KMT2C: variants seen among roughly 807,000 people sequenced by gnomAD.
KMT2C encodes the protein histone-lysine N-methyltransferase 2C.
KMT2C carries 88 observed loss-of-function variants against 507.9 expected under a neutral mutation model. That is an observed-to-expected ratio of 0.17 (90% confidence interval 0.15 to 0.21). KMT2C has a LOEUF of 0.21. Among genes scored for constraint, KMT2C ranks in the 10% least tolerant of loss-of-function variants. KMT2C has a pLI of 1.00. For synonymous variants in KMT2C, 2,049 were observed against 2,080.8 expected (o/e 0.98, Z 0.42); for missense variants, 4,954 against 5,957.8 (o/e 0.83, Z 5.55).
At chr7:152,279,026 G>A (rs1161972692) in intron 6 of KMT2C, among the ~76,000 whole-genome samples, 3 of 151,768 alleles carry the variant, frequency 2.0e-5, no homozygotes, top group Non-Finnish European at 2.9e-5. Context: ...AATATACATA[G>A]AATTTTCAAA....
chr7:152,218,068 A>T (rs949588075), intron 23 of KMT2C, among the ~76,000 whole-genome samples: 1 of 152,256 alleles, frequency 6.6e-6, no homozygotes, highest in African/African-American at 2.4e-5. Context: ...AAAATCAGTT[A>T]CATACAAGCA....
At chr7:152,367,521 C>T (rs922389440) in intron 1 of KMT2C, 14 of 1,120,472 alleles carry the variant, frequency 1.2e-5, no homozygotes, top group African/African-American at 1.2e-4. Flanking sequence ...CCCAGAGAGG[C>T]GAACCTGGAT....
Position 152,427,745 on chromosome 7 carries a change from G to A in KMT2C, c.161+7881C>T, listed in dbSNP as rs1202528281. 2.0e-5 allele frequency among the ~76,000 whole-genome samples: 3 copies of A among 152,126 alleles called. No individual in the cohort carries two copies. In the East Asian group the frequency reaches 5.8e-4, roughly 29 times the overall value. On this transcript the variant is annotated intron_variant, in intron 1 of 58. Coordinates refer to ENST00000262189, the MANE Select transcript of KMT2C (RefSeq NM_170606.3). ...CTAATTCCCATACGCCATATTCTCA[G>A]TGATTACATGTTAAGTCACATCTTT... is the stretch of plus-strand genomic sequence containing the variant.
chr7:152,332,261 T>C (rs957332962), intron 2 of KMT2C, among the ~76,000 whole-genome samples: 3 of 152,164 alleles, frequency 2.0e-5, no homozygotes, highest in Admixed American at 1.3e-4. Context: ...AAAAATTATA[T>C]GTCCACTCTG....
chr7:152,149,683 T>C (rs986449158), intron 51 of KMT2C, among the ~76,000 whole-genome samples: 4 of 152,164 alleles, frequency 2.6e-5, no homozygotes, highest in African/African-American at 9.7e-5. Flanking sequence ...AACAAATGAA[T>C]CATACTAACT....
chr7:152,249,850 T>A (rs774668257), intron 13 of KMT2C, 26 bp downstream of exon 13: 2 of 1,393,856 alleles, frequency 1.4e-6, no homozygotes, highest in Non-Finnish European at 2.0e-6. Context: ...CTCAATCAAA[T>A]TAGACAATAT....
chr7:152,187,732 G>C lies in KMT2C; in HGVS notation c.4776C>G (p.Ser1592=). 2 of 1,614,118 alleles carry C rather than the reference G, an allele frequency of 1.2e-6. No homozygotes were observed. Among genetic ancestry groups the C allele is most frequent in the Non-Finnish European group, 1.7e-6 (2 of 1,180,010 alleles). The change falls in exon 32 of 59, where the codon TCC becomes TCG. Residue 1592 remains serine (S), a synonymous_variant. Transcript: ENST00000262189. ...GCTTGTACCTGGCATCAGGATAAGA[G>C]GATTGTGCAATTGCAGAGAAAGTTC... The part of the protein sequence containing the change: ...GLGTFSAIAQ[S]SYPDARDKNS...
chr7:152,385,577 A>G (rs563957286), intron 1 of KMT2C, among the ~76,000 whole-genome samples: 4 of 99,708 alleles, frequency 4.0e-5, no homozygotes, highest in African/African-American at 5.6e-5. Context: ...CCGCCACTGC[A>G]CTCCAGCCTG....
rs2129103861 is a variant in KMT2C at position 152,162,582 on chromosome 7, G to C, written c.10995C>G (p.Gly3665=). The C allele has an allele frequency of 6.2e-7, 1 of 1,614,190 alleles. No homozygotes were observed. The highest frequency in any genetic ancestry group is 1.1e-5 in the South Asian group (1 of 91,084). Residue 3665 remains glycine (G), a synonymous_variant, in exon 43 of 59, where the codon GGC becomes GGG. Coordinates refer to ENST00000262189, the MANE Select transcript of KMT2C (RefSeq NM_170606.3). ...CTGCTGCCATATTGGGAGTGGATGG[G>C]CCGACTGGTTCCACCGACTCTTGGT... ...QADQESVEPV[G]PSTPNMAAGQ...
At chr7:152,308,673 CAAAAAAAAAAAA>C (rs938826373) in intron 6 of KMT2C, among the ~76,000 whole-genome samples, 572 of 24,560 alleles carry the variant, frequency 0.023, 7 homozygotes, top group Non-Finnish European at 0.03. Context: ...AAACTCCTCT[CAAAAAAAAAAAA>C]AAAAAAAAAA....
rs200466696 is a variant in KMT2C at position 152,154,036 on chromosome 7, T to C, written c.12250A>G (p.Ile4084Val). 22 of 1,613,620 alleles carry C rather than the reference T, an allele frequency of 1.4e-5. No individual in the cohort carries two copies. The highest frequency in any genetic ancestry group is 6.6e-5 in the South Asian group (6 of 91,074). ...TCAGCAGCTGTAGGATGCAGAGTAA[T>C]TGCTACAGATATAAGACCTGATCTG... ...GPRSGLISVA[I>V]TLHPTAAENI... The change falls in exon 48 of 59, where the codon ATT becomes GTT. Residue 4084 changes from isoleucine (I) to valine (V), a missense_variant. Ile to Val is a conservative substitution (Grantham distance 29). Coordinates refer to ENST00000262189, the MANE Select transcript of KMT2C (RefSeq NM_170606.3).
intron 23 of KMT2C, among the ~76,000 whole-genome samples, chr7:152,214,451 T>C (rs1011759957): frequency 6.6e-6 from 1 of 152,188 alleles, no homozygotes; most frequent in Non-Finnish European, 1.5e-5. Context: ...GACGTTAAGC[T>C]AAATGAACAT....
At chr7:152,325,281 T>A (rs1251278288) in intron 3 of KMT2C, among the ~76,000 whole-genome samples, 1 of 151,330 alleles carries the variant, frequency 6.6e-6, no homozygotes, top group African/African-American at 2.4e-5. Context: ...CCCAAGTAGC[T>A]GGGACTACAG....
In KMT2C at chr7:152,138,818, C is replaced by T. The variant is rs1448088311; in HGVS notation, c.14621G>A (p.Arg4874Gln). Residue 4874 changes from arginine (R) to glutamine (Q), a missense_variant, in exon 58 of 59, where the codon CGG becomes CAG. Around this residue, in one of 29 missense-constraint regions of KMT2C, gnomAD observed 133 missense variants for 258.9 expected, o/e 0.51. Transcript: ENST00000262189. This position sits in a 1 kb window ranked among gnomAD's most constrained non-coding sequence, Gnocchi z 4.2. ...RGHKIIISSS[R>Q]RIQKGEELCY... ...TACCTCTTCTCCTTTCTGGATTCTC[C>T]GACTGGAGCTGATGATAATTTTGTG... 28 of 1,606,782 alleles carry T rather than the reference C, an allele frequency of 1.7e-5. No individual in the cohort carries two copies. The highest frequency in any genetic ancestry group is 2.2e-5 in the Non-Finnish European group (26 of 1,176,632).
At chr7:152,414,445 T>C (rs1187189023) in intron 1 of KMT2C, among the ~76,000 whole-genome samples, 1 of 151,942 alleles carries the variant, frequency 6.6e-6, no homozygotes, top group Non-Finnish European at 1.5e-5. Context: ...GGAGTATCGT[T>C]TGAACCTGGG....
chr7:152,375,531 G>A (rs555513905), intron 1 of KMT2C, among the ~76,000 whole-genome samples: 4 of 148,182 alleles, frequency 2.7e-5, no homozygotes, highest in Non-Finnish European at 3.0e-5. Flanking sequence ...GATTACAGGC[G>A]CCCACAACCA....
Position 152,435,712 on chromosome 7 carries a change from C to T in KMT2C, c.75G>A (p.Pro25=), listed in dbSNP as rs775235105. The T allele has an allele frequency of 1.5e-5, 23 of 1,535,814 alleles. No individual in the cohort carries two copies. The highest frequency in any genetic ancestry group is 3.9e-5 in the Admixed American group (2 of 50,900). Residue 25 remains proline (P), a synonymous_variant, in exon 1 of 59, where the codon CCG becomes CCA. Transcript: ENST00000262189. ...PPPPPEEPGA[P]APSPAAADKR... ...TGTCTGCGGCTGCGGGGCTCGGGGCCGGGGCTCCAGGCTCCTCGGGGGGTG... is the reference window on the plus strand; with the variant it reads ...TGTCTGCGGCTGCGGGGCTCGGGGCTGGGGCTCCAGGCTCCTCGGGGGGTG...
At position 152,310,085 on chromosome 7, in the gene KMT2C, G is replaced by C. The variant is rs749227621; in HGVS notation, c.740-10C>G. 2.6e-6 allele frequency: 4 copies of C among 1,561,046 alleles called. No homozygotes were observed. In the South Asian group the frequency reaches 4.6e-5, roughly 18 times the overall value. On this transcript the variant is annotated splice_polypyrimidine_tract_variant and intron_variant, in intron 5 of 58. Transcript: ENST00000262189. ...TGAGCCCAACAAGTGCCTAAAATGGGAAAAATGAAAAGGAGCAAATGAGCA... is the reference window on the plus strand; with the variant it reads ...TGAGCCCAACAAGTGCCTAAAATGGCAAAAATGAAAAGGAGCAAATGAGCA...
intron 6 of KMT2C, among the ~76,000 whole-genome samples, chr7:152,306,398 A>C (rs2096616036): frequency 6.6e-6 from 1 of 151,570 alleles, no homozygotes; most frequent in Admixed American, 6.6e-5. Flanking sequence ...ACAGATCTCC[A>C]CTCCCTTCTT....
Sources: gnomAD v4.1 joint callset for allele counts (sites outside exome capture counted in the v4.1 genomes callset) on GRCh38, gnomAD v4.1.1 for gene constraint, gnomAD v4.1.1 regional missense constraint, Gnocchi (gnomAD v3.1) non-coding constraint, MANE v1.5 for transcripts, NCBI Gene and HGNC (gene_info 2026-07-23, HGNC 2026-07-21) for gene names.